Variants in SEPTIN14 observed in about 807,000 individuals in gnomAD.
SEPTIN14 encodes septin-14.
A neutral mutation model predicts 53.6 loss-of-function variants in SEPTIN14; 40 were observed. That is an observed-to-expected ratio of 0.75 (90% CI 0.58 to 0.97). SEPTIN14 has a LOEUF of 0.97. SEPTIN14 is among the 50% of genes least tolerant of loss of function. SEPTIN14 has a pLI of 0.00. For synonymous variants in SEPTIN14, 138 were observed against 166.8 expected (o/e 0.83, Z 1.33); for missense variants, 471 against 508.2 (o/e 0.93, Z 0.70).
intron 2 of SEPTIN14, among the ~76,000 whole-genome samples, chr7:55,847,166 C>A (rs527654946): frequency 6.6e-6 from 1 of 152,056 alleles, no homozygotes; most frequent in East Asian, 1.9e-4. Context: ...CAAGAGCACA[C>A]CACTGCACTC....
chr7:55,859,847 C>T (rs975591245), intron 2 of SEPTIN14, among the ~76,000 whole-genome samples: 10 of 152,154 alleles, frequency 6.6e-5, no homozygotes, highest in Non-Finnish European at 1.2e-4. Context: ...TGTCCATCAA[C>T]AGACATATGG....
At chr7:55,831,480 C>CGT (rs1789108266) in intron 6 of SEPTIN14, among the ~76,000 whole-genome samples, 1 of 152,058 alleles carries the variant, frequency 6.6e-6, no homozygotes, top group Non-Finnish European at 1.5e-5. Context: ...TAACTCAAGA[C>CGT]GTATTAATGA....
At chr7:55,831,060 C>G (rs148185407) in intron 6 of SEPTIN14, among the ~76,000 whole-genome samples, 1 of 151,880 alleles carries the variant, frequency 6.6e-6, no homozygotes, top group Non-Finnish European at 1.5e-5. Context: ...TTAGAAAAAA[C>G]GATCCTAAAT....
chr7:55,819,397 G>T (rs963127975), intron 6 of SEPTIN14, among the ~76,000 whole-genome samples, 174 bp from the exon 7 acceptor site: 1 of 152,112 alleles, frequency 6.6e-6, no homozygotes, highest in African/African-American at 2.4e-5. Context: ...AGACCATCCT[G>T]GCTATCATGG....
chr7:55,810,475 C>CTTT (rs145847718), intron 7 of SEPTIN14, among the ~76,000 whole-genome samples: 24 of 124,890 alleles, frequency 1.9e-4, no homozygotes, highest in African/African-American at 4.5e-4. Flanking sequence ...TTTTGAAGTT[C>CTTT]TTTTTTTTTT....
At chr7:55,817,987 T>C (rs1366796770) in intron 7 of SEPTIN14, among the ~76,000 whole-genome samples, 2 of 152,138 alleles carry the variant, frequency 1.3e-5, no homozygotes, top group African/African-American at 4.8e-5. Flanking sequence ...GTTTGTCATG[T>C]CCAGAAGATT....
In SEPTIN14 at chr7:55,834,606, A is replaced by C. The variant is rs1789170781; in HGVS notation, c.559-20T>G. 6.4e-7 allele frequency: 1 copy of C among 1,562,318 alleles called. No individual in the cohort carries two copies. Among genetic ancestry groups the C allele is most frequent in the South Asian group, 1.2e-5 (1 of 84,522 alleles). Reference sequence around the variant, plus strand: ...ATTCACCTATGAAGAAAGAAGACAAACAAAATCTCATCATTGTTCATCTCA... The same window carrying C: ...ATTCACCTATGAAGAAAGAAGACAACCAAAATCTCATCATTGTTCATCTCA... On this transcript the variant is annotated intron_variant, in intron 5 of 9. Coordinates refer to ENST00000388975, the MANE Select transcript of SEPTIN14 (RefSeq NM_207366.3).
intron 2 of SEPTIN14, among the ~76,000 whole-genome samples, chr7:55,851,473 T>C (rs10260994): frequency 0.19 from 29,416 of 151,788 alleles, 3,719 homozygotes; most frequent in East Asian, 0.42. Context: ...ATAAAAAAGA[T>C]TATAGATTAA....
intron 6 of SEPTIN14, among the ~76,000 whole-genome samples, chr7:55,832,849 CA>C (rs887093590): frequency 5.0e-4 from 72 of 145,110 alleles, no homozygotes; most frequent in African/African-American, 1.5e-3. Flanking sequence ...GATCATGTCT[CA>C]AAAAAAAAAT....
intron 9 of SEPTIN14, among the ~76,000 whole-genome samples, chr7:55,804,998 A>T (rs1788589562): frequency 6.6e-6 from 1 of 152,184 alleles, no homozygotes; most frequent in South Asian, 2.1e-4. Context: ...TTATGCATGA[A>T]AATTTAAATT....
intron 5 of SEPTIN14, among the ~76,000 whole-genome samples, chr7:55,835,595 CCTT>C (rs1314467714): frequency 2.6e-5 from 4 of 152,140 alleles, no homozygotes; most frequent in East Asian, 1.9e-4. Flanking sequence ...GGGATTTTGT[CCTT>C]CTACTTTTTA....
At chr7:55,821,641 G>A (rs1113765) in intron 6 of SEPTIN14, among the ~76,000 whole-genome samples, 51,721 of 151,860 alleles carry the variant, frequency 0.34, 11,612 homozygotes, top group African/African-American at 0.63. Context: ...CAGAGTCCAG[G>A]GTTAATCCCT....
chr7:55,795,381 A>C lies in SEPTIN14; in HGVS notation c.*532T>G, dbSNP rs35212487. 0.079 allele frequency: 11,981 copies of C among 152,532 alleles called. 1,159 individuals carry two copies. Among genetic ancestry groups the C allele is most frequent in the African/African-American group, 0.23 (9,387 of 41,080 alleles). The allele number at this position is 152,532 out of a possible 1,614,324, so 9.4% of individuals were successfully genotyped here. On this transcript the variant is annotated 3_prime_UTR_variant, in exon 10 of 10. Coordinates refer to ENST00000388975, the MANE Select transcript of SEPTIN14 (RefSeq NM_207366.3). Reference sequence around the variant, plus strand: ...TTGGCAAATATTGATTGAAAGTCATATTTGTGTTAGTGTACGTCCTAAGTG... The same window carrying C: ...TTGGCAAATATTGATTGAAAGTCATCTTTGTGTTAGTGTACGTCCTAAGTG...
intron 9 of SEPTIN14, among the ~76,000 whole-genome samples, chr7:55,799,518 C>CA (rs59445168): frequency 0.11 from 6,538 of 60,192 alleles, 410 homozygotes; most frequent in African/African-American, 0.15. Context: ...ACTCTTGTCT[C>CA]AAAAAAAAAA....
At chr7:55,861,400 G>A (rs1190027558) in intron 2 of SEPTIN14, among the ~76,000 whole-genome samples, 1 of 151,890 alleles carries the variant, frequency 6.6e-6, no homozygotes, top group Non-Finnish European at 1.5e-5. Flanking sequence ...TACTTGGGAG[G>A]CTGAGGCAGG....
chr7:55,807,804 A>G (rs1465184771), intron 7 of SEPTIN14, among the ~76,000 whole-genome samples: 1 of 152,188 alleles, frequency 6.6e-6, no homozygotes, highest in East Asian at 1.9e-4. Flanking sequence ...GACAGTGAAG[A>G]CACGGAAAGA....
rs188171787 is a variant in SEPTIN14, at chr7:55,853,288, C to T, written c.55-6651G>A. Among the ~76,000 whole-genome samples, 424 of 152,294 alleles carry T rather than the reference C, an allele frequency of 2.8e-3. 5 individuals carry two copies. The highest frequency in any genetic ancestry group is 0.01 in the Middle Eastern group (3 of 294). On this transcript the variant is annotated intron_variant, in intron 2 of 9. Coordinates refer to ENST00000388975, the MANE Select transcript of SEPTIN14 (RefSeq NM_207366.3). ...ATTTGGAAGCAACCTAAGTGTCCAT[C>T]AACAGATGAATGGACCAAGAAAATG...
At chr7:55,840,248 G>A (rs897277534) in intron 5 of SEPTIN14, among the ~76,000 whole-genome samples, 3 of 151,624 alleles carry the variant, frequency 2.0e-5, no homozygotes. Context: ...CAACACTTTG[G>A]GAGGCCGAGG....
chr7:55,862,085 A>T, intron 1 of SEPTIN14, 74 bp from the exon 2 acceptor site: 3 of 855,820 alleles, frequency 3.5e-6, no homozygotes, highest in Non-Finnish European at 5.4e-6. Context: ...AATTTAGATA[A>T]TTAGGGGGCA....
Sources: allele counts gnomAD v4.1 joint callset (sites outside exome capture counted in the v4.1 genomes callset), GRCh38; gene constraint gnomAD v4.1.1; transcripts MANE v1.5; gene names NCBI Gene and HGNC (gene_info 2026-07-23, HGNC 2026-07-21).